ZNF423: variants seen among roughly 807,000 people sequenced by gnomAD.
ZNF423 encodes Ebf-associated zinc finger protein.
Under a neutral mutation model 95.8 loss-of-function variants are expected in ZNF423, and 12 were observed. The ratio of observed to expected loss-of-function variants is 0.13; its 90% confidence interval spans 0.08 to 0.20. The LOEUF (loss-of-function observed/expected upper bound fraction) is 0.20. Ranked by LOEUF, ZNF423 falls within the 10% of genes least tolerant of loss-of-function variation. The probability of loss-of-function intolerance (pLI) is 1.00; values close to 1 mark genes in which losing one functional copy is unlikely to be tolerated. For synonymous variants in ZNF423, 749 were observed against 711.9 expected (o/e 1.05, Z -0.83); for missense variants, 1,316 against 1,737.1 (o/e 0.76, Z 4.31).
intron 1 of ZNF423, among the ~76,000 whole-genome samples, chr16:49,804,520 C>T (rs1028407127): frequency 6.6e-6 from 1 of 152,162 alleles, no homozygotes; most frequent in South Asian, 2.1e-4. Context: ...GACCTGGGAA[C>T]AGGCCCAGGG....
chr16:49,677,154 G>C (rs773920221), intron 3 of ZNF423, among the ~76,000 whole-genome samples: 25 of 149,248 alleles, frequency 1.7e-4, no homozygotes, highest in Non-Finnish European at 3.3e-4. Context: ...GGAGGCGAAG[G>C]CTGCAGTGAG....
chr16:49,523,579 C>A lies in ZNF423; in HGVS notation c.3849+45G>T, dbSNP rs772681551. On this transcript the variant is annotated intron_variant, in intron 7 of 7. Coordinates refer to ENST00000563137, the MANE Select transcript of ZNF423 (RefSeq NM_001379286.1). Reference sequence around the variant, plus strand: ...GAGACCGTCGGTGCTGACGGGGGAACCGAGGACCATCAGGCGGCGTGGTGC... The same window carrying A: ...GAGACCGTCGGTGCTGACGGGGGAAACGAGGACCATCAGGCGGCGTGGTGC... 5 of 1,548,034 alleles carry A rather than the reference C, an allele frequency of 3.2e-6. No homozygotes were observed. The South Asian group carries it at 3.4e-5, about 10-fold the overall frequency.
chr16:49,760,873 C>A (rs1452410450), intron 2 of ZNF423, among the ~76,000 whole-genome samples: 2 of 151,738 alleles, frequency 1.3e-5, no homozygotes, highest in East Asian at 1.9e-4. Flanking sequence ...AGAGTCATCT[C>A]CCCAAATTCC....
At chr16:49,729,337 A>C (rs2033103937) in intron 3 of ZNF423, among the ~76,000 whole-genome samples, 1 of 152,168 alleles carries the variant, frequency 6.6e-6, no homozygotes, top group Non-Finnish European at 1.5e-5. Flanking sequence ...AACATCTATA[A>C]TATTATTCCT....
At chr16:49,499,972 G>A (rs565176016) in intron 7 of ZNF423, among the ~76,000 whole-genome samples, 1 of 152,160 alleles carries the variant, frequency 6.6e-6, no homozygotes, top group Non-Finnish European at 1.5e-5. Flanking sequence ...GGACTCAGGG[G>A]AGCTGCACTT....
chr16:49,595,911 T>G (rs1477905111), intron 5 of ZNF423, among the ~76,000 whole-genome samples: 1 of 152,226 alleles, frequency 6.6e-6, no homozygotes, highest in Non-Finnish European at 1.5e-5. Flanking sequence ...CTATTTTACA[T>G]TAGCGCTCAA....
chr16:49,633,752 G>A (rs1972583360), intron 4 of ZNF423, among the ~76,000 whole-genome samples: 1 of 152,116 alleles, frequency 6.6e-6, no homozygotes, highest in Non-Finnish European at 1.5e-5. Flanking sequence ...GGTCCTCCTG[G>A]GGCCCTGTTT....
chr16:49,549,363 G>C (rs764918294), intron 5 of ZNF423, among the ~76,000 whole-genome samples: 1 of 152,208 alleles, frequency 6.6e-6, no homozygotes, highest in Admixed American at 6.5e-5. Flanking sequence ...GGTCCCATCC[G>C]GCCTCCAGCC....
chr16:49,496,896 G>A (rs1967184382), intron 7 of ZNF423, among the ~76,000 whole-genome samples: 1 of 152,184 alleles, frequency 6.6e-6, no homozygotes, highest in South Asian at 2.1e-4. Context: ...TACAGTGAGG[G>A]CCTCATAGAG....
At position 49,636,563 on chromosome 16, in the gene ZNF423, A is replaced by C. The variant is rs1159391879; in HGVS notation, c.2613T>G (p.Leu871=). The C allele has an allele frequency of 3.1e-6, 5 of 1,613,468 alleles. No individual in the cohort carries two copies. The African/African-American group carries it at 6.7e-5, about 22-fold the overall frequency. The change falls in exon 4 of 8, where the codon CTT becomes CTG. Residue 871 remains leucine, a synonymous_variant. Transcript: ENST00000563137. The surrounding 1 kb of genome is among the most constrained non-coding windows in gnomAD (Gnocchi z 8.6). ...AEPADLQGML[L]KNPEAPNSHE... ...GGCTGTTAGGTGCCTCAGGGTTCTT[A>C]AGCAGCATGCCCTGCAGGTCAGCAG...
At chr16:49,796,987 C>T (rs1279301145) in intron 1 of ZNF423, among the ~76,000 whole-genome samples, 3 of 152,152 alleles carry the variant, frequency 2.0e-5, no homozygotes, top group Non-Finnish European at 4.4e-5. Context: ...GCTTTGCTGG[C>T]CCGTCCCACC....
intron 5 of ZNF423, among the ~76,000 whole-genome samples, chr16:49,623,371 A>G (rs2151861106): frequency 6.6e-6 from 1 of 152,294 alleles, no homozygotes; most frequent in African/African-American, 2.4e-5. Flanking sequence ...TCTAGTTAAG[A>G]GCAACCCCCT....
At chr16:49,704,530 C>G (rs866292303) in intron 3 of ZNF423, among the ~76,000 whole-genome samples, 1 of 152,206 alleles carries the variant, frequency 6.6e-6, no homozygotes, top group African/African-American at 2.4e-5. Flanking sequence ...CCCTCACCCC[C>G]AAGACTGTGA....
intron 5 of ZNF423, among the ~76,000 whole-genome samples, chr16:49,578,470 T>C (rs1970565580): frequency 6.6e-6 from 1 of 152,240 alleles, no homozygotes; most frequent in South Asian, 2.1e-4. Context: ...CTCATCCCTG[T>C]CTGAAATTGC....
Position 49,638,912 on chromosome 16 carries a change from C to T in ZNF423, c.302-38G>A, listed in dbSNP as rs767231226. ...GCAGAGAGGATATTAGAGGCAATTC[C>T]CAGGGCTGCCGAGAAACAAGGACAG... On this transcript the variant is annotated intron_variant, in intron 3 of 7. Coordinates refer to ENST00000563137, the MANE Select transcript of ZNF423 (RefSeq NM_001379286.1). The surrounding 1 kb of genome is among the most constrained non-coding windows in gnomAD (Gnocchi z 5.6). 18 of 1,555,676 alleles carry T rather than the reference C, an allele frequency of 1.2e-5. No homozygotes were observed. Among genetic ancestry groups the T allele is most frequent in the Admixed American group, 1.8e-5 (1 of 54,896 alleles).
intron 3 of ZNF423, among the ~76,000 whole-genome samples, chr16:49,645,015 T>C (rs543415986): frequency 6.6e-6 from 1 of 152,072 alleles, no homozygotes; most frequent in South Asian, 2.1e-4. Flanking sequence ...AATATAAAGA[T>C]CACCTTGTAC....
chr16:49,577,704 C>T (rs917591174), intron 5 of ZNF423, among the ~76,000 whole-genome samples: 10 of 152,148 alleles, frequency 6.6e-5, no homozygotes, highest in Non-Finnish European at 1.2e-4. Context: ...CAGGCAGTGC[C>T]GACCCTCCTC....
intron 2 of ZNF423, among the ~76,000 whole-genome samples, chr16:49,736,241 C>A (rs1217237919): frequency 1.3e-5 from 2 of 152,180 alleles, no homozygotes; most frequent in East Asian, 3.9e-4. Context: ...TAGATTGAAT[C>A]ATATAAAGGT....
intron 5 of ZNF423, among the ~76,000 whole-genome samples, chr16:49,576,231 C>CT (rs1475866109): frequency 6.6e-5 from 10 of 152,348 alleles, no homozygotes; most frequent in African/African-American, 2.2e-4. Context: ...AAGATAGACA[C>CT]TGGGAACACT....
Sources: gnomAD v4.1 joint callset for allele counts (sites outside exome capture counted in the v4.1 genomes callset) on GRCh38, gnomAD v4.1.1 for gene constraint, Gnocchi (gnomAD v3.1) non-coding constraint, MANE v1.5 for transcripts, NCBI Gene and HGNC (gene_info 2026-07-23, HGNC 2026-07-21) for gene names.